PIP5K1B: variants seen among roughly 807,000 people sequenced by gnomAD.
PIP5K1B encodes phosphatidylinositol 4-phosphate 5-kinase type-1 beta.
In PIP5K1B, 42 loss-of-function variants were observed where a neutral mutation model predicts 67.0. The observed-to-expected ratio is 0.63, with a 90% CI of 0.49 to 0.81. The LOEUF (loss-of-function observed/expected upper bound fraction) is 0.81, where lower values mean the gene tolerates loss of function less well. Ranked by LOEUF, PIP5K1B falls within the 30% of genes least tolerant of loss-of-function variation. The pLI, the probability that PIP5K1B is intolerant of heterozygous loss-of-function variation, is 0.00. For missense variants in PIP5K1B, 459 were observed against 646.3 expected (o/e 0.71, Z 3.14); for synonymous variants, 214 against 231.4 (o/e 0.92, Z 0.68).
intron 5 of PIP5K1B, among the ~76,000 whole-genome samples, chr9:68,866,405 G>A (rs757623025): frequency 2.7e-5 from 4 of 150,664 alleles, no homozygotes; most frequent in Non-Finnish European, 1.5e-5. Context: ...AGTGATACAC[G>A]TGTGTGTGTG....
At chr9:68,964,427 G>A (rs10869623) in intron 14 of PIP5K1B, among the ~76,000 whole-genome samples, 21,678 of 152,186 alleles carry the variant, frequency 0.14, 1,796 homozygotes, top group East Asian at 0.41. Context: ...TTAATACATT[G>A]AACTTTGAAT....
chr9:68,966,417 T>C (rs950322580), intron 14 of PIP5K1B: 3 of 152,222 alleles, frequency 2.0e-5, no homozygotes, highest in African/African-American at 7.2e-5. Context: ...TGATAAGTCA[T>C]GTTAATAGTG....
Position 68,996,191 on chromosome 9 carries a change from C to A in PIP5K1B, c.1620+4934C>A, listed in dbSNP as rs75215116. On this transcript the variant is annotated intron_variant, in intron 15 of 15. Transcript: ENST00000265382. ...ATGAAATATCCTTTTAAGGATCCAT[C>A]CACACATTATGTGTGTGTGCATTAG... Among the ~76,000 whole-genome samples, 582 of 152,290 alleles carry A rather than the reference C, an allele frequency of 3.8e-3. 7 individuals are homozygous for A. In the South Asian group the frequency reaches 0.059, roughly 16 times the overall value.
At chr9:68,816,715 A>G (rs1002597575) in intron 2 of PIP5K1B, among the ~76,000 whole-genome samples, 6 of 152,182 alleles carry the variant, frequency 3.9e-5, no homozygotes, top group African/African-American at 1.4e-4. Context: ...ATTTGGGGGC[A>G]ATTAGGTGTC....
intron 6 of PIP5K1B, among the ~76,000 whole-genome samples, chr9:68,883,965 T>C (rs902884819): frequency 3.9e-5 from 6 of 152,028 alleles, no homozygotes; most frequent in Non-Finnish European, 8.8e-5. Context: ...AAGAATGAAA[T>C]TGGACCCTTA....
chr9:69,007,702 A>G (rs966840557), intron 15 of PIP5K1B, among the ~76,000 whole-genome samples: 16 of 152,080 alleles, frequency 1.1e-4, no homozygotes, highest in African/African-American at 3.9e-4. Flanking sequence ...CTAAAAATAC[A>G]AAAAATTAGC....
At chr9:68,801,367 C>A (rs1172889302) in intron 2 of PIP5K1B, among the ~76,000 whole-genome samples, 1 of 152,004 alleles carries the variant, frequency 6.6e-6, no homozygotes. Context: ...ATGCTAAATA[C>A]TTCCTGGATT....
intron 4 of PIP5K1B, among the ~76,000 whole-genome samples, 164 bp downstream of exon 4, chr9:68,822,847 A>G (rs761679447): frequency 2.0e-5 from 3 of 152,196 alleles, no homozygotes; most frequent in African/African-American, 4.8e-5. Flanking sequence ...GACAACATAC[A>G]TGCATTATCT....
At chr9:68,946,319 C>T (rs1827799292) in intron 14 of PIP5K1B, among the ~76,000 whole-genome samples, 1 of 152,178 alleles carries the variant, frequency 6.6e-6, no homozygotes, top group Non-Finnish European at 1.5e-5. Context: ...CTACACAGCC[C>T]CTAGTAGGAT....
At chr9:68,805,721 G>A (rs1391926702) in intron 2 of PIP5K1B, among the ~76,000 whole-genome samples, 1 of 152,138 alleles carries the variant, frequency 6.6e-6, no homozygotes, top group Non-Finnish European at 1.5e-5. Context: ...GTGACAAGTG[G>A]AGATTGGAGC....
chr9:68,958,741 TATC>T (rs1243300062), intron 14 of PIP5K1B, among the ~76,000 whole-genome samples: 4 of 152,236 alleles, frequency 2.6e-5, no homozygotes, highest in Admixed American at 6.5e-5. Flanking sequence ...GTTGGAAAGT[TATC>T]ATAATGCAAA....
Position 68,889,064 on chromosome 9 carries a change from A to G in PIP5K1B, c.402A>G (p.Glu134=), listed in dbSNP as rs1358861627. The change falls in exon 7 of 16, where the codon GAA becomes GAG. Residue 134 remains glutamate (E), a synonymous_variant. Transcript: ENST00000265382. ...GSLFFVTSDD[E]FIIKTVQHKE... Reference sequence around the variant, plus strand: ...TGTTTTTTGTGACCAGTGATGATGAATTTATCATCAAAACAGTTCAGCACA... The same window carrying G: ...TGTTTTTTGTGACCAGTGATGATGAGTTTATCATCAAAACAGTTCAGCACA... 6.2e-7 allele frequency: 1 copy of G among 1,612,642 alleles called. No homozygotes were observed. Among genetic ancestry groups the G allele is most frequent in the Non-Finnish European group, 8.5e-7 (1 of 1,178,674 alleles).
At chr9:68,938,934 G>A (rs1827416203) in intron 13 of PIP5K1B, among the ~76,000 whole-genome samples, 1 of 152,172 alleles carries the variant, frequency 6.6e-6, no homozygotes, top group Non-Finnish European at 1.5e-5. Flanking sequence ...TAAAGGGCTC[G>A]TACAATTAGG....
At chr9:68,831,479 A>G (rs1834316575) in intron 4 of PIP5K1B, among the ~76,000 whole-genome samples, 1 of 152,192 alleles carries the variant, frequency 6.6e-6, no homozygotes, top group Non-Finnish European at 1.5e-5. Flanking sequence ...GTGGCAGAAT[A>G]AGTCTGGGAT....
intron 14 of PIP5K1B, among the ~76,000 whole-genome samples, chr9:68,971,401 G>C (rs1289199624): frequency 1.3e-5 from 2 of 152,088 alleles, no homozygotes; most frequent in Non-Finnish European, 2.9e-5. Context: ...TCATTGATGG[G>C]CATTTCGGTT....
chr9:68,807,848 G>A (rs1832953568), intron 2 of PIP5K1B, among the ~76,000 whole-genome samples: 1 of 152,166 alleles, frequency 6.6e-6, no homozygotes, highest in African/African-American at 2.4e-5. Context: ...GAGAAATATT[G>A]CCATGTAGTA....
intron 2 of PIP5K1B, among the ~76,000 whole-genome samples, chr9:68,747,478 G>C (rs957007646): frequency 6.6e-6 from 1 of 151,618 alleles, no homozygotes; most frequent in Non-Finnish European, 1.5e-5. Flanking sequence ...ATAATGGCTT[G>C]CATTTGAAAT....
intron 2 of PIP5K1B, chr9:68,780,792 A>G: frequency 1.2e-6 from 2 of 1,614,248 alleles, no homozygotes; most frequent in Admixed American, 1.7e-5. Flanking sequence ...TGAAATGGAA[A>G]CTGAATATCA....
At chr9:68,777,990 A>C (rs1194761327) in intron 2 of PIP5K1B, among the ~76,000 whole-genome samples, 1 of 152,184 alleles carries the variant, frequency 6.6e-6, no homozygotes, top group African/African-American at 2.4e-5. Flanking sequence ...ACAGCATGCT[A>C]TTAGGTTCTG....
Sources: gnomAD v4.1 joint callset for allele counts (sites outside exome capture counted in the v4.1 genomes callset) on GRCh38, gnomAD v4.1.1 for gene constraint, MANE v1.5 for transcripts, NCBI Gene and HGNC (gene_info 2026-07-23, HGNC 2026-07-21) for gene names.